Variants in PPP6R2 observed in about 807,000 individuals in gnomAD.
The protein encoded by PPP6R2 is protein phosphatase 6 regulatory subunit 2.
Under a neutral mutation model 100.2 loss-of-function variants are expected in PPP6R2, and 62 were observed. The observed-to-expected ratio is 0.62, with a 90% CI of 0.50 to 0.76. PPP6R2 has a LOEUF of 0.76. Among genes scored for constraint, PPP6R2 ranks in the 30% least tolerant of loss-of-function variants. The pLI, the probability that PPP6R2 is intolerant of heterozygous loss-of-function variation, is 0.00. For missense variants in PPP6R2, 1,142 were observed against 1,276.3 expected (o/e 0.89, Z 1.60); for synonymous variants, 525 against 514.7 (o/e 1.02, Z -0.27).
intron 1 of PPP6R2, among the ~76,000 whole-genome samples, chr22:50,355,892 G>A (rs1349119554): frequency 6.7e-6 from 1 of 149,884 alleles, no homozygotes; most frequent in Non-Finnish European, 1.5e-5. Flanking sequence ...CTTTTAAAAA[G>A]TGTACACATA....
the PPP6R2 span, among the ~76,000 whole-genome samples, chr22:50,330,806 T>C: frequency 6.6e-6 from 1 of 151,326 alleles, no homozygotes; most frequent in African/African-American, 2.4e-5. Flanking sequence ...TGCTGGGATC[T>C]GAGAAAAAGA....
intron 3 of PPP6R2, among the ~76,000 whole-genome samples, chr22:50,404,649 C>T (rs1316501116): frequency 7.1e-6 from 1 of 141,816 alleles, no homozygotes; most frequent in Admixed American, 7.2e-5. Flanking sequence ...GTTGCCCAGG[C>T]TAGTCTCCCA....
intron 2 of PPP6R2, among the ~76,000 whole-genome samples, chr22:50,383,428 G>C (rs1364612088): frequency 1.3e-5 from 2 of 152,156 alleles, no homozygotes; most frequent in Admixed American, 6.6e-5. Context: ...GGTTGCCCGT[G>C]TTTTCCCAAA....
intron 4 of PPP6R2, among the ~76,000 whole-genome samples, chr22:50,412,627 GTCCTTTTTTTTTTTTTTT>G (rs1367045799): frequency 1.6e-5 from 2 of 126,732 alleles, no homozygotes; most frequent in Admixed American, 1.7e-4. Context: ...GTTTAAATAA[GTCCTTTTTTTTTTTTTTT>G]TTTTTTTTTT....
At chr22:50,396,340 C>T (rs1456172141) in intron 3 of PPP6R2, among the ~76,000 whole-genome samples, 1 of 151,502 alleles carries the variant, frequency 6.6e-6, no homozygotes, top group Non-Finnish European at 1.5e-5. Context: ...ACTAAAAATA[C>T]AAAAATTTGC....
At chr22:50,361,984 C>T (rs1053513398) in intron 1 of PPP6R2, among the ~76,000 whole-genome samples, 1 of 152,180 alleles carries the variant, frequency 6.6e-6, no homozygotes, top group Non-Finnish European at 1.5e-5. Flanking sequence ...GCAGCAGGCA[C>T]TTGCCCAAGG....
intron 2 of PPP6R2, among the ~76,000 whole-genome samples, chr22:50,386,584 GC>G (rs1465691850): frequency 6.6e-6 from 1 of 152,180 alleles, no homozygotes; most frequent in East Asian, 1.9e-4. Context: ...TGAGCAAGGT[GC>G]AAGCACATTT....
intron 4 of PPP6R2, among the ~76,000 whole-genome samples, chr22:50,410,644 A>G (rs2147295173): frequency 6.6e-6 from 1 of 151,436 alleles, no homozygotes; most frequent in East Asian, 1.9e-4. Flanking sequence ...CTGTCTCCAA[A>G]AAAAAGAAAA....
intron 1 of PPP6R2, among the ~76,000 whole-genome samples, chr22:50,349,192 T>C (rs1602016749): frequency 4.1e-5 from 4 of 97,130 alleles, no homozygotes; most frequent in South Asian, 3.9e-4. Context: ...TGAGACTTCC[T>C]CTCAAAAAAA....
At position 50,394,151 on chromosome 22, in the gene PPP6R2, G is replaced by A. The variant is rs1387524752; in HGVS notation, c.227+16G>A. ...TCCGCTTCAAGTATGTACCAAAGCT[G>A]TGACGGGCCAGTACGCCAGGCAGTG... On this transcript the variant is annotated intron_variant, in intron 3 of 23. Transcript: ENST00000612753. 3 of 1,611,614 alleles carry A rather than the reference G, an allele frequency of 1.9e-6. No individual in the cohort carries two copies. The highest frequency in any genetic ancestry group is 2.5e-6 in the Non-Finnish European group (3 of 1,178,290).
chr22:50,371,623 C>T (rs905502520), intron 1 of PPP6R2, among the ~76,000 whole-genome samples: 6 of 150,944 alleles, frequency 4.0e-5, no homozygotes, highest in African/African-American at 1.5e-4. Flanking sequence ...TGTTCCATTG[C>T]TTTATTTTTA....
intron 22 of PPP6R2, among the ~76,000 whole-genome samples, chr22:50,442,144 G>A (rs939765598): frequency 6.6e-6 from 1 of 152,192 alleles, no homozygotes; most frequent in Non-Finnish European, 1.5e-5. Context: ...ACCGCCCAAT[G>A]CAGCTCAGCC....
Position 50,423,325 on chromosome 22 carries a change from C to T in PPP6R2, c.973-137C>T. 9.9e-7 allele frequency: 1 copy of T among 1,008,672 alleles called. No individual in the cohort carries two copies. Among genetic ancestry groups the T allele is most frequent in the Non-Finnish European group, 1.4e-6 (1 of 696,710 alleles). The allele number at this position is 1,008,672 out of a possible 1,614,324, so 62.5% of individuals were successfully genotyped here. On this transcript the variant is annotated intron_variant, in intron 9 of 23. Transcript: ENST00000612753. This position sits in a 1 kb window ranked among gnomAD's most constrained non-coding sequence, Gnocchi z 4.8. ...TTCATTTCTTCTGGCAGACGGCCCT[C>T]CCTGAGGAACCCCCACCACATACCT...
intron 2 of PPP6R2, among the ~76,000 whole-genome samples, chr22:50,379,358 G>A (rs1004452415): frequency 6.6e-6 from 1 of 151,850 alleles, no homozygotes; most frequent in East Asian, 1.9e-4. Flanking sequence ...TTAGCCGGGA[G>A]CGGTGGTGCA....
intron 2 of PPP6R2, chr22:50,389,025 C>T (rs1454135301): frequency 1.3e-5 from 2 of 152,168 alleles, no homozygotes; most frequent in African/African-American, 4.8e-5. Flanking sequence ...GGGCAACATT[C>T]TGTTGCAGTC....
At chr22:50,349,440 G>A (rs1300040166) in intron 1 of PPP6R2, among the ~76,000 whole-genome samples, 8 of 151,388 alleles carry the variant, frequency 5.3e-5, no homozygotes, top group African/African-American at 1.5e-4. Flanking sequence ...AGGCTGAGGC[G>A]GGAGGATCAC....
At chr22:50,334,542 A>G in the PPP6R2 span, among the ~76,000 whole-genome samples, 1 of 152,084 alleles carries the variant, frequency 6.6e-6, no homozygotes, top group Non-Finnish European at 1.5e-5. Flanking sequence ...TGTTTCCTTT[A>G]TTATACTGGA....
rs751631065 is a variant in PPP6R2, at chr22:50,416,142, G to C, written c.603G>C (p.Pro201=). The change falls in exon 6 of 24, where the codon CCG becomes CCC. Residue 201 remains proline, a synonymous_variant. Transcript: ENST00000612753. ...VIQRLVELIH[P]SQDEDRQSNA... ...AGAGGCTTGTGGAGTTGATCCACCC[G>C]AGCCAGGATGAAGATGTGAGTGTGC... is the stretch of plus-strand genomic sequence containing the variant. 2 of 1,613,362 alleles carry C rather than the reference G, an allele frequency of 1.2e-6. No homozygotes were observed. Among genetic ancestry groups the C allele is most frequent in the Middle Eastern group, 1.7e-4 (1 of 5,906 alleles).
chr22:50,393,444 A>G (rs1027026395), intron 2 of PPP6R2: 3 of 984,916 alleles, frequency 3.0e-6, no homozygotes, highest in African/African-American at 1.7e-5. Context: ...CATCCCTGAC[A>G]CATGGGAGAG....
Sources: allele counts gnomAD v4.1 joint callset (sites outside exome capture counted in the v4.1 genomes callset), GRCh38; gene constraint gnomAD v4.1.1; non-coding constraint Gnocchi (gnomAD v3.1); transcripts MANE v1.5; gene names NCBI Gene and HGNC (gene_info 2026-07-23, HGNC 2026-07-21).